SCN1B: variants seen among roughly 807,000 people sequenced by gnomAD.
The protein encoded by SCN1B is sodium voltage-gated channel beta subunit 1.
Under a neutral mutation model 25.7 loss-of-function variants are expected in SCN1B, and 11 were observed. The ratio of observed to expected loss-of-function variants is 0.43; its 90% CI spans 0.27 to 0.71. The LOEUF is 0.71. SCN1B is among the 30% of genes least tolerant of loss of function. The probability of loss-of-function intolerance (pLI) is 0.21; values close to 1 mark genes in which losing one functional copy is unlikely to be tolerated. For synonymous variants in SCN1B, 119 were observed against 117.5 expected (o/e 1.01, Z -0.08); for missense variants, 224 against 291.5 (o/e 0.77, Z 1.69).
rs77001837 is a variant in SCN1B, at chr19:35,030,595, C to G, written c.-226C>G. On this transcript the variant is annotated 5_prime_UTR_variant, in exon 1 of 6. Transcript: ENST00000262631. Reference sequence around the variant, plus strand: ...AGCAGCCCGAGCAGCGGCCGCCGCCCGCGCGGCGGGGATGCCCGGACGCCG... The same window carrying G: ...AGCAGCCCGAGCAGCGGCCGCCGCCGGCGCGGCGGGGATGCCCGGACGCCG... The G allele has an allele frequency of 6.6e-6, 1 of 152,100 alleles. No individual in the cohort carries two copies. Among genetic ancestry groups the G allele is most frequent in the Non-Finnish European group, 1.4e-5 (1 of 69,098 alleles). The allele number at this position is 152,100 out of a possible 1,614,324, so 9.4% of individuals were successfully genotyped here. A position where few individuals can be genotyped will look rare whatever the true frequency, so the allele number is the denominator to read the frequency against.
chr19:35,039,912 A>G lies in SCN1B; in HGVS notation c.*121A>G, dbSNP rs1471929743. 5.0e-6 allele frequency: 3 copies of G among 603,824 alleles called. No individual in the cohort carries two copies. Among genetic ancestry groups the G allele is most frequent in the Non-Finnish European group, 8.8e-6 (3 of 341,224 alleles). The allele number at this position is 603,824 out of a possible 1,614,324, so 37.4% of individuals were successfully genotyped here. ...CCCAGAAAGCCTCAGAGTCCTGCCG[A>G]CGGAGCCACTGGGGTGGGAGGGGGC... On this transcript the variant is annotated 3_prime_UTR_variant, in exon 6 of 6. Coordinates refer to ENST00000262631, the MANE Select transcript of SCN1B (RefSeq NM_001037.5).
intron 3 of SCN1B, chr19:35,034,007 C>T: frequency 6.5e-7 from 1 of 1,549,178 alleles, no homozygotes; most frequent in South Asian, 1.2e-5. Context: ...TGCTGTATGA[C>T]CTCTGGCAGG....
chr19:35,034,405 C>T, intron 3 of SCN1B: 1 of 426,268 alleles, frequency 2.3e-6, no homozygotes. Context: ...GGTGCGGGGC[C>T]CACCCTCTGA....
chr19:35,036,372 T>C (rs2064247730), intron 3 of SCN1B: 1 of 152,162 alleles, frequency 6.6e-6, no homozygotes, highest in South Asian at 2.1e-4. Flanking sequence ...CATTGTGCTA[T>C]TGTATTTTTT....
intron 3 of SCN1B, chr19:35,034,112 C>G: frequency 6.4e-7 from 1 of 1,551,576 alleles, no homozygotes; most frequent in Non-Finnish European, 8.7e-7. Context: ...ATTCTTCCAT[C>G]ATGGGGTTCA....
chr19:35,038,647 T>C (rs906221086), intron 3 of SCN1B: 2 of 242,412 alleles, frequency 8.3e-6, no homozygotes, highest in African/African-American at 2.2e-5. Context: ...ATAACAACAA[T>C]AATAATACTA....
intron 3 of SCN1B, chr19:35,034,879 G>A (rs535246902): frequency 6.6e-6 from 1 of 152,318 alleles, no homozygotes; most frequent in East Asian, 1.9e-4. Flanking sequence ...TTCTGTTCTT[G>A]GCATGATTCA....
At chr19:35,038,450 C>G (rs1218646107) in intron 3 of SCN1B, 1 of 159,498 alleles carries the variant, frequency 6.3e-6, no homozygotes, top group Non-Finnish European at 1.4e-5. Context: ...CGGGTGTTAA[C>G]TCATTTCCTC....
At position 35,032,556 on chromosome 19, in the gene SCN1B, G is replaced by C. The variant is rs762553865; in HGVS notation, c.69G>C (p.Glu23Asp). 3.7e-6 allele frequency: 6 copies of C among 1,613,896 alleles called. No individual in the cohort carries two copies. The highest frequency in any genetic ancestry group is 5.1e-6 in the Non-Finnish European group (6 of 1,180,054). The stretch of plus-strand genomic sequence containing the variant: ...CCTCAGCCTGCGGGGGCTGCGTGGA[G>C]GTGGACTCGGAGACCGAGGCCGTGT... ...LVSSACGGCV[E>D]VDSETEAVYG... Residue 23 changes from glutamate to aspartate, a missense_variant, in exon 2 of 6, where the codon GAG becomes GAC. Glu to Asp is a conservative substitution (Grantham distance 45). Around this residue, in one of 3 missense-constraint regions of SCN1B, gnomAD observed 46 missense variants for 35.8 expected, o/e 1.29. Transcript: ENST00000262631. The surrounding 1 kb of genome is among the most constrained non-coding windows in gnomAD (Gnocchi z 4.3).
In SCN1B at chr19:35,033,768, C is replaced by T. The variant is rs186759145; in HGVS notation, c.448+29C>T. ...AGTCGGGTGCTGCCTGCCCCTTTAC[C>T]GTCACCCACCGGAGAGCCAGATGGA... On this transcript the variant is annotated intron_variant, in intron 3 of 5. Coordinates refer to ENST00000262631, the MANE Select transcript of SCN1B (RefSeq NM_001037.5). 2.8e-4 allele frequency: 445 copies of T among 1,613,828 alleles called. 1 individual carries two copies. The African/African-American group carries it at 5.0e-3, about 18-fold the overall frequency.
In SCN1B at chr19:35,033,890, C is replaced by T; in HGVS notation, c.448+151C>T. The T allele has an allele frequency of 2.5e-6, 4 of 1,594,888 alleles. No individual in the cohort carries two copies. In the South Asian group the frequency reaches 3.4e-5, roughly 13 times the overall value. On this transcript the variant is annotated intron_variant, in intron 3 of 5. Transcript: ENST00000262631. Reference sequence around the variant, plus strand: ...GCTGAGGGGGAGGGGAGCAGCCCCTCCTGCCCACTCCAGCTCTGGCCTCTG... The same window carrying T: ...GCTGAGGGGGAGGGGAGCAGCCCCTTCTGCCCACTCCAGCTCTGGCCTCTG...
chr19:35,030,755 GC>G lies in SCN1B; in HGVS notation c.-64del. 1 of 516,930 alleles carries G rather than the reference GC, an allele frequency of 1.9e-6. No homozygotes were observed. The highest frequency in any genetic ancestry group is 3.1e-6 in the Non-Finnish European group (1 of 321,308). The allele number at this position is 516,930 out of a possible 1,614,324, so 32.0% of individuals were successfully genotyped here. On this transcript the variant is annotated 5_prime_UTR_variant, in exon 1 of 6. Coordinates refer to ENST00000262631, the MANE Select transcript of SCN1B (RefSeq NM_001037.5). Reference sequence around the variant, plus strand: ...GACATTCTAACCGCCGCCAGGTCCCGCCGCCTCTCGCCCCGCTATTAATACC... The same window carrying G: ...GACATTCTAACCGCCGCCAGGTCCCGCGCCTCTCGCCCCGCTATTAATACC...
intron 3 of SCN1B, chr19:35,034,121 C>T: frequency 6.4e-7 from 1 of 1,551,526 alleles, no homozygotes; most frequent in Non-Finnish European, 8.7e-7. Context: ...TCATGGGGTT[C>T]ATGAGGATTG....
intron 2 of SCN1B, 21 bp from the exon 3 acceptor site, chr19:35,033,478 C>T: frequency 6.2e-7 from 1 of 1,613,220 alleles, no homozygotes. Context: ...GTGACACCTT[C>T]CCCTCCCTGG....
intron 3 of SCN1B, chr19:35,037,166 G>A (rs955564901): frequency 1.3e-5 from 2 of 152,190 alleles, no homozygotes; most frequent in Admixed American, 6.5e-5. Flanking sequence ...TCCATAGGTG[G>A]AGGCGACGGG....
At position 35,033,756 on chromosome 19, in the gene SCN1B, C is replaced by T; in HGVS notation, c.448+17C>T. 5 of 1,614,012 alleles carry T rather than the reference C, an allele frequency of 3.1e-6. No individual in the cohort carries two copies. The highest frequency in any genetic ancestry group is 3.4e-6 in the Non-Finnish European group (4 of 1,180,042). ...TGGACAAAGGTGAGTCGGGTGCTGCCTGCCCCTTTACCGTCACCCACCGGA... is the reference window on the plus strand; with the variant it reads ...TGGACAAAGGTGAGTCGGGTGCTGCTTGCCCCTTTACCGTCACCCACCGGA... On this transcript the variant is annotated intron_variant, in intron 3 of 5. Transcript: ENST00000262631.
In SCN1B at chr19:35,033,638, C is replaced by A. The variant is rs1555720743; in HGVS notation, c.347C>A (p.Ser116Ter). ...IFITNVTYNH[S>*]GDYECHVYRL... ...ATCACCAATGTCACCTACAACCACT[C>A]GGGCGACTACGAGTGCCACGTCTAC... Residue 116 changes from serine (S) to a stop codon, truncating the protein, a stop_gained, in exon 3 of 6, where the codon TCG becomes TAG. Transcript: ENST00000262631. LOFTEE classifies it high-confidence loss of function. The A allele has an allele frequency of 6.2e-7, 1 of 1,614,202 alleles. No individual in the cohort carries two copies. The highest frequency in any genetic ancestry group is 8.5e-7 in the Non-Finnish European group (1 of 1,180,030).
chr19:35,033,340 G>A lies in SCN1B; in HGVS notation c.208-159G>A, dbSNP rs143996359. ...CTGGTTGACTCCAGGCGTGATCCTAGCCCCCCACCCCTGTGCCCTCCCTGC... is the reference window on the plus strand; with the variant it reads ...CTGGTTGACTCCAGGCGTGATCCTAACCCCCCACCCCTGTGCCCTCCCTGC... On this transcript the variant is annotated intron_variant, in intron 2 of 5. Transcript: ENST00000262631. Among the ~76,000 whole-genome samples, 747 of 152,104 alleles carry A rather than the reference G, an allele frequency of 4.9e-3. 12 individuals are homozygous for A. Among genetic ancestry groups the A allele is most frequent in the Non-Finnish European group, 6.0e-3 (407 of 67,966 alleles).
rs112767703 is a variant in SCN1B at position 35,039,259 on chromosome 19, G to A, written c.590+1G>A. 3 of 1,612,518 alleles carry A rather than the reference G, an allele frequency of 1.9e-6. No homozygotes were observed. Among genetic ancestry groups the A allele is most frequent in the Non-Finnish European group, 2.5e-6 (3 of 1,180,012 alleles). On this transcript the variant is annotated splice_donor_variant, in intron 4 of 5. Transcript: ENST00000262631. LOFTEE classifies it high-confidence loss of function. ...CGGAGACTGCTGCACAGGAGAATGC[G>A]TGAGTAGGGTGGCTGGGAGGTGGGA... is the stretch of plus-strand genomic sequence containing the variant.
Sources: allele counts gnomAD v4.1 joint callset (sites outside exome capture counted in the v4.1 genomes callset), GRCh38; gene constraint gnomAD v4.1.1; regional missense constraint gnomAD v4.1.1; non-coding constraint Gnocchi (gnomAD v3.1); transcripts MANE v1.5; gene names NCBI Gene and HGNC (gene_info 2026-07-23, HGNC 2026-07-21).